Variants in GRID2 observed in about 807,000 individuals in gnomAD.
GRID2 encodes the protein glutamate ionotropic receptor delta type subunit 2.
GRID2 carries 33 observed loss-of-function variants against 114.8 expected under a neutral mutation model. That is an observed-to-expected ratio of 0.29 (90% CI 0.22 to 0.38). GRID2 has a LOEUF of 0.38. Ranked by LOEUF, GRID2 falls within the 10% of genes least tolerant of loss-of-function variation. The probability of loss-of-function intolerance (pLI) is 1.00; values close to 1 mark genes in which losing one functional copy is unlikely to be tolerated. For synonymous variants in GRID2, 505 were observed against 449.9 expected (o/e 1.12, Z -1.55); for missense variants, 1,184 against 1,257.7 (o/e 0.94, Z 0.89).
intron 2 of GRID2, among the ~76,000 whole-genome samples, chr4:93,033,534 G>T (rs1724634373): frequency 6.6e-6 from 1 of 152,084 alleles, no homozygotes; most frequent in South Asian, 2.1e-4. Context: ...CTTTGTGGAG[G>T]CATGATTGCT....
At chr4:93,016,570 T>TGG (rs770929712) in intron 2 of GRID2, among the ~76,000 whole-genome samples, 7 of 152,200 alleles carry the variant, frequency 4.6e-5, no homozygotes, top group Admixed American at 1.3e-4. Flanking sequence ...CAGTTGGAAG[T>TGG]GGGAGGCTGG....
chr4:93,053,597 G>T (rs1394765013), intron 2 of GRID2, among the ~76,000 whole-genome samples: 3 of 151,894 alleles, frequency 2.0e-5, no homozygotes, highest in Admixed American at 6.6e-5. Flanking sequence ...TAAAGAAAAG[G>T]TTACTTTTTC....
intron 1 of GRID2, among the ~76,000 whole-genome samples, chr4:92,573,239 G>C (rs13144909): frequency 1.4e-4 from 21 of 151,176 alleles, no homozygotes; most frequent in African/African-American, 5.1e-4. Flanking sequence ...CTAGTGAGGA[G>C]TCTATTTTAT....
rs566787540 is a variant in GRID2, at chr4:93,769,459, T to C, written c.2601+9T>C. On this transcript the variant is annotated intron_variant, in intron 15 of 15. Coordinates refer to ENST00000282020, the MANE Select transcript of GRID2 (RefSeq NM_001510.4). ...GGGTTCCATCAAAAGAGGTACTTGA[T>C]TGAGAGATTTGGCTCTAAATTGAAT... The C allele has an allele frequency of 3.1e-6, 5 of 1,613,286 alleles. No homozygotes were observed. The highest frequency in any genetic ancestry group is 2.7e-5 in the African/African-American group (2 of 74,980).
At chr4:93,452,402 G>A (rs1027575040) in intron 10 of GRID2, among the ~76,000 whole-genome samples, 1 of 152,162 alleles carries the variant, frequency 6.6e-6, no homozygotes, top group African/African-American at 2.4e-5. Flanking sequence ...GAGAGAAAAT[G>A]TGGTAATGTG....
At chr4:92,554,325 G>T (rs970719857) in intron 1 of GRID2, among the ~76,000 whole-genome samples, 1 of 152,062 alleles carries the variant, frequency 6.6e-6, no homozygotes, top group African/African-American at 2.4e-5. Context: ...AAATAACAAA[G>T]AATCTGTTAT....
chr4:92,641,411 C>T (rs1347088325), intron 2 of GRID2, among the ~76,000 whole-genome samples: 2 of 151,080 alleles, frequency 1.3e-5, no homozygotes, highest in Admixed American at 6.6e-5. Flanking sequence ...TCTGGGACTA[C>T]AGGAACATAC....
intron 11 of GRID2, among the ~76,000 whole-genome samples, chr4:93,469,346 T>C (rs1341496179): frequency 2.6e-5 from 4 of 152,096 alleles, no homozygotes; most frequent in Non-Finnish European, 4.4e-5. Context: ...AATTCTTTGC[T>C]ACATCAAATC....
At chr4:92,913,276 T>C (rs1370436993) in intron 2 of GRID2, among the ~76,000 whole-genome samples, 1 of 151,892 alleles carries the variant, frequency 6.6e-6, no homozygotes, top group African/African-American at 2.4e-5. Context: ...ATCTGGAAAA[T>C]AACTTGGAAA....
At chr4:93,151,801 A>C (rs1409793431) in intron 4 of GRID2, among the ~76,000 whole-genome samples, 1 of 152,136 alleles carries the variant, frequency 6.6e-6, no homozygotes, top group Non-Finnish European at 1.5e-5. Context: ...TCATCTCTCA[A>C]GATGATATTT....
intron 8 of GRID2, among the ~76,000 whole-genome samples, chr4:93,335,098 T>C (rs1758908295): frequency 7.0e-6 from 1 of 142,368 alleles, no homozygotes. Context: ...TTGCAAACAA[T>C]ATGTATATAG....
intron 8 of GRID2, among the ~76,000 whole-genome samples, chr4:93,265,360 T>A (rs1473260443): frequency 6.6e-6 from 1 of 152,202 alleles, no homozygotes; most frequent in Non-Finnish European, 1.5e-5. Context: ...TACTTCCTAA[T>A]CTCATCAATC....
intron 2 of GRID2, among the ~76,000 whole-genome samples, chr4:92,958,588 T>A (rs1385825191): frequency 6.6e-6 from 1 of 152,124 alleles, no homozygotes; most frequent in African/African-American, 2.4e-5. Flanking sequence ...TTGTTGAAGA[T>A]ATTTGCATCT....
chr4:92,636,260 T>C (rs1460461147), intron 2 of GRID2, among the ~76,000 whole-genome samples: 2 of 151,938 alleles, frequency 1.3e-5, no homozygotes, highest in African/African-American at 4.8e-5. Context: ...AGGACTCCTC[T>C]GTTCATTCCT....
At chr4:93,405,521 C>A (rs1766326274) in intron 9 of GRID2, among the ~76,000 whole-genome samples, 1 of 152,084 alleles carries the variant, frequency 6.6e-6, no homozygotes, top group East Asian at 1.9e-4. Flanking sequence ...GATGTGTTAT[C>A]TAATTTACTT....
At chr4:93,596,223 A>G (rs1030201142) in intron 13 of GRID2, among the ~76,000 whole-genome samples, 11 of 152,236 alleles carry the variant, frequency 7.2e-5, no homozygotes, top group African/African-American at 2.7e-4. Flanking sequence ...TGTACAATAA[A>G]TTCTTCTTAG....
chr4:93,024,915 A>G (rs1358144662), intron 2 of GRID2, among the ~76,000 whole-genome samples: 1 of 151,786 alleles, frequency 6.6e-6, no homozygotes, highest in Non-Finnish European at 1.5e-5. Flanking sequence ...GAAAAAAGAG[A>G]AGACCAGCTG....
chr4:92,547,186 G>A (rs373001356), intron 1 of GRID2, among the ~76,000 whole-genome samples: 1 of 152,068 alleles, frequency 6.6e-6, no homozygotes, highest in Non-Finnish European at 1.5e-5. Flanking sequence ...ATGAGCCTCA[G>A]TTTCTCATGT....
chr4:92,568,505 G>A (rs979372381), intron 1 of GRID2, among the ~76,000 whole-genome samples: 16 of 152,002 alleles, frequency 1.1e-4, no homozygotes, highest in Non-Finnish European at 1.9e-4. Flanking sequence ...TGGCGGGAAT[G>A]AGGAACTCTA....
Sources: gnomAD v4.1 joint callset for allele counts (sites outside exome capture counted in the v4.1 genomes callset) on GRCh38, gnomAD v4.1.1 for gene constraint, MANE v1.5 for transcripts, NCBI Gene and HGNC (gene_info 2026-07-23, HGNC 2026-07-21) for gene names.